GRIN3A: variants seen among roughly 807,000 people sequenced by gnomAD.
GRIN3A encodes glutamate receptor ionotropic, NMDA 3A.
Under a neutral mutation model 92.4 loss-of-function variants are expected in GRIN3A, and 47 were observed. The ratio of observed to expected loss-of-function variants is 0.51; its 90% CI spans 0.40 to 0.65. GRIN3A has a LOEUF of 0.65. Ranked by LOEUF, GRIN3A falls within the 30% of genes least tolerant of loss-of-function variation. GRIN3A has a pLI of 0.00. For missense variants in GRIN3A, 1,324 were observed against 1,393.1 expected (o/e 0.95, Z 0.79); for synonymous variants, 527 against 540.6 (o/e 0.97, Z 0.35).
chr9:101,584,066 A>G (rs972939509), intron 6 of GRIN3A, among the ~76,000 whole-genome samples: 5 of 152,190 alleles, frequency 3.3e-5, no homozygotes, highest in Non-Finnish European at 5.9e-5. Flanking sequence ...CATATTAGCC[A>G]GGCTTGAACT....
chr9:101,716,039 A>G (rs914820381), intron 1 of GRIN3A, among the ~76,000 whole-genome samples: 1 of 152,184 alleles, frequency 6.6e-6, no homozygotes, highest in Non-Finnish European at 1.5e-5. Context: ...ACTTTTTCCA[A>G]ATCATCCAGA....
chr9:101,662,067 A>T (rs1829178798), intron 3 of GRIN3A, among the ~76,000 whole-genome samples: 1 of 151,882 alleles, frequency 6.6e-6, no homozygotes, highest in African/African-American at 2.4e-5. Context: ...TCTTCCCGAA[A>T]AGATTTAAGG....
chr9:101,663,699 A>C (rs1829205217), intron 3 of GRIN3A, among the ~76,000 whole-genome samples: 1 of 151,334 alleles, frequency 6.6e-6, no homozygotes, highest in African/African-American at 2.4e-5. Context: ...TTTTTTTTAA[A>C]TATTTTTGGT....
chr9:101,629,922 T>G (rs1387064926), intron 3 of GRIN3A, among the ~76,000 whole-genome samples: 3 of 152,202 alleles, frequency 2.0e-5, no homozygotes, highest in African/African-American at 7.2e-5. Context: ...ATCTACTACA[T>G]CATCTTGCAT....
At chr9:101,719,775 C>T (rs1829989423) in intron 1 of GRIN3A, among the ~76,000 whole-genome samples, 2 of 152,338 alleles carry the variant, frequency 1.3e-5, no homozygotes, top group African/African-American at 2.4e-5. Context: ...TCCAGTATTT[C>T]AACCCACTAC....
At chr9:101,614,685 T>A (rs1828417667) in intron 5 of GRIN3A, among the ~76,000 whole-genome samples, 1 of 135,424 alleles carries the variant, frequency 7.4e-6, no homozygotes, top group Admixed American at 8.1e-5. Flanking sequence ...CATGGTGCCA[T>A]CATGGCTCAC....
chr9:101,670,532 A>T lies in GRIN3A; in HGVS notation c.1880T>A (p.Met627Lys), dbSNP rs758373461. The T allele has an allele frequency of 6.2e-7, 1 of 1,613,790 alleles. No homozygotes were observed. The highest frequency in any genetic ancestry group is 8.5e-7 in the Non-Finnish European group (1 of 1,179,726). Reference protein sequence around the residue: ...VGDLLRGTAHMAVTSFSINTA... With the variant: ...VGDLLRGTAHKAVTSFSINTA... ...ATTGATGCTAAAGGAAGTGACTGCC[A>T]TGTGGGCAGTCCCTCTCAGGAGATC... The change falls in exon 3 of 9, where the codon ATG becomes AAG. Residue 627 changes from methionine to lysine, a missense_variant. Coordinates refer to ENST00000361820, the MANE Select transcript of GRIN3A (RefSeq NM_133445.3).
At chr9:101,607,432 T>C (rs1212780316) in intron 6 of GRIN3A, among the ~76,000 whole-genome samples, 9 of 152,152 alleles carry the variant, frequency 5.9e-5, no homozygotes. Context: ...CAAAATGGTA[T>C]GTAAGGTAAA....
chr9:101,624,168 T>C (rs553031950), intron 4 of GRIN3A, among the ~76,000 whole-genome samples: 51 of 152,334 alleles, frequency 3.3e-4, no homozygotes, highest in African/African-American at 1.1e-3. Context: ...CATCCCTGGA[T>C]ATTGTTACCA....
chr9:101,685,379 A>G (rs1829520429), intron 2 of GRIN3A, among the ~76,000 whole-genome samples: 1 of 147,904 alleles, frequency 6.8e-6, no homozygotes, highest in South Asian at 2.1e-4. Context: ...TAAAGGTAAG[A>G]AGTTATGAGT....
At chr9:101,690,846 G>A (rs560585017) in intron 1 of GRIN3A, among the ~76,000 whole-genome samples, 10 of 151,740 alleles carry the variant, frequency 6.6e-5, no homozygotes, top group African/African-American at 2.2e-4. Flanking sequence ...GAAGGAAATA[G>A]GATATTAGAA....
chr9:101,623,528 C>G (rs1314781151), intron 4 of GRIN3A, 95 bp from the exon 5 acceptor site: 18 of 886,218 alleles, frequency 2.0e-5, no homozygotes, highest in Non-Finnish European at 2.8e-5. Flanking sequence ...GGGACAGAAC[C>G]CGAACACTAA....
intron 1 of GRIN3A, among the ~76,000 whole-genome samples, chr9:101,726,759 A>T (rs1830086224): frequency 6.6e-6 from 1 of 151,394 alleles, no homozygotes; most frequent in Non-Finnish European, 1.5e-5. Flanking sequence ...AAATTTTTAA[A>T]AAGTTTTTTA....
chr9:101,697,694 G>A (rs565476453), intron 1 of GRIN3A, among the ~76,000 whole-genome samples: 9 of 152,236 alleles, frequency 5.9e-5, no homozygotes, highest in African/African-American at 1.9e-4. Flanking sequence ...GTGCACTTAT[G>A]ACTTTGTCAT....
rs188453992 is a variant in GRIN3A, at chr9:101,719,317, G to A, written c.699+17964C>T. On this transcript the variant is annotated intron_variant, in intron 1 of 8. Transcript: ENST00000361820. ...GCCTGTAATTCCAGCTACTCAGGAGGCTGAGAGAGGAGAATCGTTTGAACC... is the reference window on the plus strand; with the variant it reads ...GCCTGTAATTCCAGCTACTCAGGAGACTGAGAGAGGAGAATCGTTTGAACC... Among the ~76,000 whole-genome samples, 163 of 152,100 alleles carry A rather than the reference G, an allele frequency of 1.1e-3. 1 individual carries two copies. The highest frequency in any genetic ancestry group is 3.7e-3 in the African/African-American group (152 of 41,474).
rs905027255 is a variant in GRIN3A, at chr9:101,571,613, A to T, written c.*1561T>A. Reference sequence around the variant, plus strand: ...GTGAGGATGTTGAAGGAGAGTCAGCAGATGTGTGCTAAAATTATTAAAAAG... The same window carrying T: ...GTGAGGATGTTGAAGGAGAGTCAGCTGATGTGTGCTAAAATTATTAAAAAG... On this transcript the variant is annotated 3_prime_UTR_variant, in exon 9 of 9. Transcript: ENST00000361820. The T allele has an allele frequency of 6.6e-6, 1 of 152,254 alleles. No individual in the cohort carries two copies. The highest frequency in any genetic ancestry group is 2.4e-5 in the African/African-American group (1 of 41,452). The allele number at this position is 152,254 out of a possible 1,614,324, so 9.4% of individuals were successfully genotyped here. A position where few individuals can be genotyped will look rare whatever the true frequency, so the allele number is the denominator to read the frequency against.
chr9:101,632,876 C>T (rs1205475605), intron 3 of GRIN3A, among the ~76,000 whole-genome samples: 1 of 152,128 alleles, frequency 6.6e-6, no homozygotes, highest in Non-Finnish European at 1.5e-5. Context: ...CAACCATCAC[C>T]AAGAAGTCCC....
chr9:101,714,514 G>C (rs1829920455), intron 1 of GRIN3A, among the ~76,000 whole-genome samples: 1 of 152,162 alleles, frequency 6.6e-6, no homozygotes, highest in Non-Finnish European at 1.5e-5. Context: ...TTAGAACTCA[G>C]ACAGCTCCTC....
At chr9:101,573,609 C>A in intron 8 of GRIN3A, 96 bp from the exon 9 acceptor site, 1 of 968,208 alleles carries the variant, frequency 1.0e-6, no homozygotes, top group Non-Finnish European at 1.6e-6. Context: ...TAATATGGAG[C>A]TGGGTGTGCA....
Sources: allele counts gnomAD v4.1 joint callset (sites outside exome capture counted in the v4.1 genomes callset), GRCh38; gene constraint gnomAD v4.1.1; transcripts MANE v1.5; gene names NCBI Gene and HGNC (gene_info 2026-07-23, HGNC 2026-07-21).